PSTPIP2: variants seen among roughly 807,000 people sequenced by gnomAD.
The protein encoded by PSTPIP2 is proline-serine-threonine phosphatase-interacting protein 2.
Under a neutral mutation model 63.3 loss-of-function variants are expected in PSTPIP2, and 33 were observed. The observed-to-expected ratio is 0.52, with a 90% CI of 0.40 to 0.70. PSTPIP2 has a LOEUF of 0.70. Among genes scored for constraint, PSTPIP2 ranks in the 30% least tolerant of loss-of-function variants. PSTPIP2 has a pLI of 0.00. For missense variants in PSTPIP2, 312 were observed against 400.7 expected, an observed-to-expected ratio of 0.78 and a Z score of 1.89; for synonymous variants, 125 against 132.7, an observed-to-expected ratio of 0.94 and a Z score of 0.40.
chr18:46,015,656 G>C (rs1211779040), intron 4 of PSTPIP2, among the ~76,000 whole-genome samples: 1 of 152,106 alleles, frequency 6.6e-6, no homozygotes, highest in Non-Finnish European at 1.5e-5. Context: ...AGCCCTCCAG[G>C]TGATTCTGAT....
intron 4 of PSTPIP2, 25 bp from the exon 5 acceptor site, chr18:46,011,312 AT>A: frequency 2.6e-6 from 4 of 1,542,168 alleles, no homozygotes; most frequent in Non-Finnish European, 3.6e-6. Flanking sequence ...TAAAAAAAAA[AT>A]CAAGGTCTAC....
At chr18:46,008,092 T>C (rs1012570825) in intron 5 of PSTPIP2, among the ~76,000 whole-genome samples, 5 of 152,204 alleles carry the variant, frequency 3.3e-5, no homozygotes, top group African/African-American at 1.2e-4. Flanking sequence ...TCAGACTTTC[T>C]GCTCAGACCA....
chr18:46,046,486 C>A (rs769327799), intron 1 of PSTPIP2, among the ~76,000 whole-genome samples: 6 of 152,228 alleles, frequency 3.9e-5, no homozygotes, highest in Admixed American at 6.5e-5. Flanking sequence ...CTCAGTCCCA[C>A]CCCAGCCCTG....
chr18:46,046,175 T>G (rs528658251), intron 1 of PSTPIP2, among the ~76,000 whole-genome samples: 11 of 152,328 alleles, frequency 7.2e-5, no homozygotes, highest in African/African-American at 2.6e-4. Context: ...GGGAAAAGCC[T>G]CTACTCATTC....
At position 45,993,251 on chromosome 18, in the gene PSTPIP2, T is replaced by C. The variant is rs368686371; in HGVS notation, c.741+354A>G. On this transcript the variant is annotated intron_variant, in intron 10 of 14. Transcript: ENST00000409746. ...CTGGGATTACAGGGGTGCACCACCA[T>C]GCCCAGCTAATTTTTGCATTTTTAG... 5.3e-5 allele frequency among the ~76,000 whole-genome samples: 8 copies of C among 151,456 alleles called. No individual in the cohort carries two copies. The South Asian group carries it at 1.7e-3, about 32-fold the overall frequency.
intron 3 of PSTPIP2, among the ~76,000 whole-genome samples, chr18:46,017,219 A>G (rs1168222280): frequency 1.3e-5 from 2 of 152,210 alleles, no homozygotes; most frequent in African/African-American, 4.8e-5. Context: ...TTTTAAAGAC[A>G]TAATTCTGCA....
At chr18:46,009,201 C>G (rs1388051155) in intron 5 of PSTPIP2, among the ~76,000 whole-genome samples, 1 of 151,978 alleles carries the variant, frequency 6.6e-6, no homozygotes, top group Non-Finnish European at 1.5e-5. Context: ...CCTTCCAGGA[C>G]CTGCACCTCT....
At chr18:46,058,223 T>C (rs1290320777) in intron 1 of PSTPIP2, among the ~76,000 whole-genome samples, 1 of 152,112 alleles carries the variant, frequency 6.6e-6, no homozygotes, top group Non-Finnish European at 1.5e-5. Flanking sequence ...TCTGAAAAGA[T>C]CCTCTATGAG....
rs1051097463 is a variant in PSTPIP2 at position 46,017,335 on chromosome 18, C to T, written c.213-1398G>A. ...GATGCCTTTAGGACTTTTTCATTAA[C>T]TTGGATCTTACTCAGTTTGACTATT... On this transcript the variant is annotated intron_variant, in intron 3 of 14. Transcript: ENST00000409746. Among the ~76,000 whole-genome samples, 4 of 152,104 alleles carry T rather than the reference C, an allele frequency of 2.6e-5. No individual in the cohort carries two copies. In the South Asian group the frequency reaches 6.2e-4, roughly 24 times the overall value.
At chr18:45,995,604 T>C (rs1324895620) in intron 9 of PSTPIP2, among the ~76,000 whole-genome samples, 1 of 152,144 alleles carries the variant, frequency 6.6e-6, no homozygotes, top group Non-Finnish European at 1.5e-5. Flanking sequence ...CAAATAAGAT[T>C]AGAAACTGCA....
intron 9 of PSTPIP2, among the ~76,000 whole-genome samples, chr18:45,994,716 C>A (rs1211117178): frequency 6.6e-6 from 1 of 152,156 alleles, no homozygotes; most frequent in African/African-American, 2.4e-5. Flanking sequence ...TTTATCAACT[C>A]ACAACCGATT....
rs567067770 is a variant in PSTPIP2, at chr18:46,048,308, CCCTACAA to C, written c.34-8268_34-8262del. On this transcript the variant is annotated intron_variant, in intron 1 of 14. Coordinates refer to ENST00000409746, the MANE Select transcript of PSTPIP2 (RefSeq NM_024430.4). ...GGAAAAGTCAAGAAAAGAGATTCTG[CCCTACAA>C]CCTCCAGAAGGAGCCAGCCTTGCTG... 1.3e-3 allele frequency among the ~76,000 whole-genome samples: 191 copies of C among 152,334 alleles called. 2 individuals are homozygous for C. The East Asian group carries it at 0.019, about 15-fold the overall frequency.
chr18:46,058,902 G>T (rs781758891), intron 1 of PSTPIP2, among the ~76,000 whole-genome samples: 2 of 152,282 alleles, frequency 1.3e-5, no homozygotes, highest in African/African-American at 2.4e-5. Context: ...TGGGAGGCTG[G>T]TCCACTTCCA....
chr18:46,032,121 C>T (rs1374348675), intron 2 of PSTPIP2, among the ~76,000 whole-genome samples: 2 of 152,174 alleles, frequency 1.3e-5, no homozygotes, highest in African/African-American at 2.4e-5. Context: ...TCTGTCTCAT[C>T]TGATCATCAA....
Position 46,040,079 on chromosome 18 carries a change from G to A in PSTPIP2, c.34-32C>T, listed in dbSNP as rs1908136034. 12 of 1,513,616 alleles carry A rather than the reference G, an allele frequency of 7.9e-6. No homozygotes were observed. The East Asian group carries it at 2.8e-4, about 35-fold the overall frequency. The allele number at this position is 1,513,616 out of a possible 1,614,324, so 93.8% of individuals were successfully genotyped here. A position where few individuals can be genotyped will look rare whatever the true frequency, so the allele number is the denominator to read the frequency against. On this transcript the variant is annotated intron_variant, in intron 1 of 14. Coordinates refer to ENST00000409746, the MANE Select transcript of PSTPIP2 (RefSeq NM_024430.4). ...GAAAGACAACATGGCATCAGACCAG[G>A]AACAGAAGGCAGCCCCCAAGGCCGG...
chr18:45,990,844 T>A, intron 12 of PSTPIP2, 88 bp from the exon 13 acceptor site: 1 of 1,138,692 alleles, frequency 8.8e-7, no homozygotes, highest in Non-Finnish European at 1.3e-6. Flanking sequence ...TATTGTACTC[T>A]AATCAGATCT....
chr18:45,985,521 G>A, intron 14 of PSTPIP2, 71 bp from the exon 15 acceptor site: 1 of 1,524,006 alleles, frequency 6.6e-7, no homozygotes, highest in Non-Finnish European at 9.0e-7. Flanking sequence ...TACCTTGAGA[G>A]TATATTCAAC....
At chr18:46,028,948 C>T (rs899978982) in intron 2 of PSTPIP2, 9 of 1,215,200 alleles carry the variant, frequency 7.4e-6, no homozygotes, top group Admixed American at 1.7e-5. Context: ...TAATGCTGAA[C>T]GTCCTTCTGC....
chr18:46,010,555 A>G (rs557262496), intron 5 of PSTPIP2, among the ~76,000 whole-genome samples: 2 of 152,346 alleles, frequency 1.3e-5, no homozygotes, highest in South Asian at 4.1e-4. Flanking sequence ...TAGTCTAACT[A>G]ACACTTTGAT....
Sources: gnomAD v4.1 joint callset for allele counts (sites outside exome capture counted in the v4.1 genomes callset) on GRCh38, gnomAD v4.1.1 for gene constraint, MANE v1.5 for transcripts, NCBI Gene and HGNC (gene_info 2026-07-23, HGNC 2026-07-21) for gene names.